The following TRMT11 variants were observed in gnomAD, a reference collection of about 807,000 sequenced individuals.
The protein encoded by TRMT11 is tRNA (guanine(10)-N(2))-methyltransferase TRMT11.
TRMT11 carries 53 observed loss-of-function variants against 62.8 expected under a neutral mutation model. The ratio of observed to expected loss-of-function variants is 0.84; its 90% CI spans 0.68 to 1.06. The LOEUF is 1.06. Ranked by LOEUF, TRMT11 falls within the 50% of genes least tolerant of loss-of-function variation. The probability of loss-of-function intolerance (pLI) is 0.00; values close to 1 mark genes in which losing one functional copy is unlikely to be tolerated. For synonymous variants in TRMT11, 188 were observed against 190.3 expected (o/e 0.99, Z 0.10); for missense variants, 556 against 553.4 (o/e 1.00, Z -0.05).
intron 12 of TRMT11, among the ~76,000 whole-genome samples, chr6:126,028,610 G>C (rs1291419984): frequency 2.0e-5 from 3 of 152,068 alleles, no homozygotes; most frequent in African/African-American, 7.2e-5. Context: ...TTTGCTGTTT[G>C]TGGTACTTTT....
chr6:126,008,310 C>G, intron 7 of TRMT11, 82 bp from the exon 8 acceptor site: 1 of 1,164,208 alleles, frequency 8.6e-7, no homozygotes, highest in Non-Finnish European at 1.3e-6. Context: ...CAGCTAGTTT[C>G]TAAGACTGGA....
intron 21 of TRMT11, among the ~76,000 whole-genome samples, chr6:126,152,331 A>C (rs540758737): frequency 6.6e-6 from 1 of 152,288 alleles, no homozygotes; most frequent in Non-Finnish European, 1.5e-5. Context: ...GCCTTTTGAG[A>C]AAAACATGTG....
At chr6:126,002,861 T>C (rs1792744092) in intron 7 of TRMT11, among the ~76,000 whole-genome samples, 1 of 152,128 alleles carries the variant, frequency 6.6e-6, no homozygotes, top group African/African-American at 2.4e-5. Context: ...TGATTCATAA[T>C]GGAATATATA....
chr6:126,240,288 A>C, the TRMT11 span, among the ~76,000 whole-genome samples: 4 of 152,014 alleles, frequency 2.6e-5, no homozygotes, highest in African/African-American at 4.8e-5. Context: ...AGGTGCTTTG[A>C]TTTTTAGAGT....
At chr6:126,176,194 A>G (rs150198927), upstream of TRMT11, among the ~76,000 whole-genome samples, 7 of 152,330 alleles carry the variant, frequency 4.6e-5, no homozygotes, top group African/African-American at 7.2e-5. Flanking sequence ...CTTAGCAGGA[A>G]AGGCAAAGGC....
chr6:126,257,124 G>T, the TRMT11 span, among the ~76,000 whole-genome samples: 267 of 152,020 alleles, frequency 1.8e-3, 2 homozygotes, highest in Middle Eastern at 3.4e-3. Context: ...GACCTCAAAT[G>T]ATCCACCCAC....
chr6:126,151,821 T>TATTTTC (rs746194861), intron 21 of TRMT11, among the ~76,000 whole-genome samples: 1 of 125,400 alleles, frequency 8.0e-6, no homozygotes, highest in African/African-American at 3.1e-5. Context: ...TTTCTTTCTT[T>TATTTTC]CTTTCTTTCT....
the TRMT11 span, among the ~76,000 whole-genome samples, chr6:126,239,383 G>A: frequency 1.3e-5 from 2 of 152,258 alleles, no homozygotes; most frequent in East Asian, 1.9e-4. Flanking sequence ...TCCTTCAGGA[G>A]CTCTTTTAGG....
intron 21 of TRMT11, among the ~76,000 whole-genome samples, chr6:126,126,582 A>G (rs1777721550): frequency 6.6e-6 from 1 of 152,076 alleles, no homozygotes; most frequent in Non-Finnish European, 1.5e-5. Context: ...GGCTCCATTT[A>G]TCAAACCTCA....
At chr6:126,066,421 G>A (rs532693559) in intron 17 of TRMT11, among the ~76,000 whole-genome samples, 73 of 152,334 alleles carry the variant, frequency 4.8e-4, no homozygotes, top group African/African-American at 1.7e-3. Context: ...GAGTTCTTGG[G>A]AAGGGCGCTC....
chr6:126,017,770 C>G (rs1239233352), intron 11 of TRMT11, among the ~76,000 whole-genome samples: 1 of 152,178 alleles, frequency 6.6e-6, no homozygotes, highest in Non-Finnish European at 1.5e-5. Flanking sequence ...CATAAAATTA[C>G]TGTAGACTGT....
chr6:126,266,569 C>G, the TRMT11 span, among the ~76,000 whole-genome samples: 1 of 152,116 alleles, frequency 6.6e-6, no homozygotes, highest in African/African-American at 2.4e-5. Flanking sequence ...TATGGGACTG[C>G]CCTTTGCATT....
chr6:126,062,606 A>T (rs148960540), intron 17 of TRMT11, among the ~76,000 whole-genome samples: 16 of 152,336 alleles, frequency 1.1e-4, no homozygotes, highest in African/African-American at 3.8e-4. Context: ...ATCAAATAGA[A>T]CACATGAATG....
chr6:125,986,718 G>C (rs533516967), intron 1 of TRMT11, 96 bp downstream of exon 1: 47 of 1,214,858 alleles, frequency 3.9e-5, no homozygotes, highest in Admixed American at 1.6e-4. Context: ...AGGAAGCTGG[G>C]ATTCGGGGGT....
chr6:126,223,658 G>T, the TRMT11 span, among the ~76,000 whole-genome samples: 1 of 152,102 alleles, frequency 6.6e-6, no homozygotes, highest in Non-Finnish European at 1.5e-5. Flanking sequence ...GTCTTGTATA[G>T]TATCTTGCAA....
At chr6:126,078,415 T>C (rs1384316614) in intron 17 of TRMT11, among the ~76,000 whole-genome samples, 1 of 151,526 alleles carries the variant, frequency 6.6e-6, no homozygotes, top group Non-Finnish European at 1.5e-5. Flanking sequence ...TTTTTTTGAG[T>C]TGGACTCAGG....
the TRMT11 span, among the ~76,000 whole-genome samples, chr6:126,263,464 T>G: frequency 7.2e-5 from 11 of 152,296 alleles, no homozygotes; most frequent in Admixed American, 7.2e-4. Context: ...CACAAAAATC[T>G]CCACAAAAAC....
the TRMT11 span, among the ~76,000 whole-genome samples, chr6:126,259,108 G>A: frequency 6.6e-6 from 1 of 152,162 alleles, no homozygotes; most frequent in Non-Finnish European, 1.5e-5. Context: ...ACTTTACTAA[G>A]GATAATGGCC....
At chr6:126,247,107 C>G in the TRMT11 span, among the ~76,000 whole-genome samples, 1 of 152,148 alleles carries the variant, frequency 6.6e-6, no homozygotes, top group African/African-American at 2.4e-5. Context: ...CTGTTCCTCG[C>G]TGTATGGGCT....
Sources: gnomAD v4.1 joint callset for allele counts (sites outside exome capture counted in the v4.1 genomes callset) on GRCh38, gnomAD v4.1.1 for gene constraint, MANE v1.5 for transcripts, NCBI Gene and HGNC (gene_info 2026-07-23, HGNC 2026-07-21) for gene names.